CPNE4: variants seen among roughly 807,000 people sequenced by gnomAD.
CPNE4 encodes copine 4, also known as copine-4.
Under a neutral mutation model 67.9 loss-of-function variants are expected in CPNE4, and 25 were observed. The ratio of observed to expected loss-of-function variants is 0.37; its 90% CI spans 0.27 to 0.51. CPNE4 has a LOEUF of 0.51. CPNE4 is among the 20% of genes least tolerant of loss of function. The pLI is 0.93. For missense variants in CPNE4, 464 were observed against 690.8 expected (o/e 0.67, Z 3.68); for synonymous variants, 242 against 244.9 (o/e 0.99, Z 0.11).
intron 5 of CPNE4, among the ~76,000 whole-genome samples, chr3:131,695,873 C>T (rs2081144288): frequency 6.6e-6 from 1 of 152,214 alleles, no homozygotes; most frequent in African/African-American, 2.4e-5. Flanking sequence ...TTATATATCA[C>T]TTATCACATT....
intron 2 of CPNE4, among the ~76,000 whole-genome samples, chr3:131,839,875 T>C (rs1267778219): frequency 6.6e-6 from 1 of 152,204 alleles, no homozygotes; most frequent in Non-Finnish European, 1.5e-5. Context: ...AAGGAGGGGT[T>C]ACGTTATGCC....
At chr3:131,883,870 C>A (rs1461147) in intron 2 of CPNE4, among the ~76,000 whole-genome samples, 43,844 of 152,156 alleles carry the variant, frequency 0.29, 7,394 homozygotes, top group Non-Finnish European at 0.37. Context: ...AGGCTAAGCA[C>A]ATGCCCGTGT....
rs199766048 is a variant in CPNE4, at chr3:131,654,370, A to AT, written c.681+15304dup. On this transcript the variant is annotated intron_variant, in intron 7 of 15. Transcript: ENST00000429747. ...ACCCAGGTACTAAGCCTAGTACCAA[A>AT]TTTTTTTTTAATTTTTTTCTGCTCC... is the stretch of plus-strand genomic sequence containing the variant. Among the ~76,000 whole-genome samples the AT allele has an allele frequency of 5.9e-3, 900 of 151,594 alleles. 8 individuals carry two copies. The highest frequency in any genetic ancestry group is 0.021 in the African/African-American group (853 of 41,274).
chr3:131,640,858 A>C (rs1287479111), intron 7 of CPNE4, among the ~76,000 whole-genome samples: 1 of 152,148 alleles, frequency 6.6e-6, no homozygotes, highest in Non-Finnish European at 1.5e-5. Flanking sequence ...CCAGAAATAA[A>C]GCCAAATATT....
upstream of CPNE4, chr3:132,037,664 A>G (rs2074363046): frequency 1.3e-6 from 2 of 1,481,542 alleles, no homozygotes; most frequent in Non-Finnish European, 1.8e-6. Context: ...GGTGTTCCCA[A>G]GTTGCAAAGG....
At chr3:131,934,079 G>A (rs1023472174) in intron 1 of CPNE4, among the ~76,000 whole-genome samples, 3 of 152,162 alleles carry the variant, frequency 2.0e-5, no homozygotes, top group African/African-American at 7.2e-5. Context: ...TGAGAAGGGA[G>A]GCACTGCAAA....
intron 2 of CPNE4, among the ~76,000 whole-genome samples, chr3:131,737,141 T>TTTTTTTTTTTTTTTTTTTTTTTGG (rs1491475059): frequency 9.4e-6 from 1 of 106,028 alleles, no homozygotes; most frequent in Admixed American, 1.0e-4. Context: ...TTTTTTTTTT[T>TTTTTTTTTTTTTTTTTTTTTTTGG]GAGAGGGAGT....
At chr3:131,984,390 T>C (rs1352976026) in intron 1 of CPNE4, among the ~76,000 whole-genome samples, 1 of 152,216 alleles carries the variant, frequency 6.6e-6, no homozygotes, top group African/African-American at 2.4e-5. Context: ...GCAGTGCTTG[T>C]GCATACAGAA....
At chr3:131,682,308 G>T (rs2080779354) in intron 6 of CPNE4, among the ~76,000 whole-genome samples, 1 of 152,082 alleles carries the variant, frequency 6.6e-6, no homozygotes, top group African/African-American at 2.4e-5. Flanking sequence ...AAAGGGATTT[G>T]GGTGTCGTGG....
At chr3:131,966,569 T>C (rs1488658066) in intron 1 of CPNE4, among the ~76,000 whole-genome samples, 2 of 152,142 alleles carry the variant, frequency 1.3e-5, no homozygotes, top group Non-Finnish European at 2.9e-5. Flanking sequence ...AAATACAAAC[T>C]ATCATCAGAG....
At chr3:131,592,992 T>C (rs1938627827) in intron 7 of CPNE4, among the ~76,000 whole-genome samples, 1 of 152,242 alleles carries the variant, frequency 6.6e-6, no homozygotes, top group Non-Finnish European at 1.5e-5. Flanking sequence ...AAATGTGCTA[T>C]GCCAACTTAT....
chr3:131,916,347 GAAA>G (rs35520224), intron 1 of CPNE4, among the ~76,000 whole-genome samples: 6 of 117,776 alleles, frequency 5.1e-5, no homozygotes, highest in Admixed American at 1.7e-4. Context: ...TTTCCAGTTA[GAAA>G]AAAAAAAAAA....
At chr3:131,582,438 C>A (rs1937898974) in intron 8 of CPNE4, among the ~76,000 whole-genome samples, 1 of 152,142 alleles carries the variant, frequency 6.6e-6, no homozygotes. Flanking sequence ...TCCTGCCCAC[C>A]AACCTATGAA....
intron 1 of CPNE4, chr3:132,017,761 T>C (rs1478183603): frequency 6.6e-6 from 1 of 152,122 alleles, no homozygotes. Flanking sequence ...CCAACAGGAG[T>C]TATAGCGGGA....
chr3:131,905,421 T>A lies in CPNE4; in HGVS notation c.23A>T (p.Tyr8Phe), dbSNP rs2088707905. The part of the protein sequence containing the change: MKKMSNI[Y>F]ESAANTLGIF... ...TCCCAGTGTGTTGGCAGCGGACTCA[T>A]AAATGTTGCTCATCTTCTTCATTCT... Residue 8 changes from tyrosine to phenylalanine, a missense_variant, in exon 2 of 16, where the codon TAT (tyrosine) becomes TTT (phenylalanine). Physicochemically the swap from Tyr to Phe is conservative, Grantham distance 22 (BLOSUM62 3). This residue lies in a region of CPNE4 where 170 missense variants were observed against 203.3 expected (regional missense o/e 0.84). Coordinates refer to ENST00000429747, the MANE Select transcript of CPNE4 (RefSeq NM_130808.3). The A allele has an allele frequency of 6.2e-7, 1 of 1,613,060 alleles. No homozygotes were observed.
At chr3:131,713,028 G>A (rs182010483) in intron 3 of CPNE4, among the ~76,000 whole-genome samples, 4 of 152,298 alleles carry the variant, frequency 2.6e-5, no homozygotes, top group Middle Eastern at 3.4e-3. Flanking sequence ...CCCTGGATGA[G>A]TAGGTAGGCC....
intron 2 of CPNE4, among the ~76,000 whole-genome samples, chr3:131,867,539 G>C (rs62280912): frequency 9.9e-4 from 151 of 152,158 alleles, no homozygotes; most frequent in Admixed American, 2.0e-3. Flanking sequence ...GGGTCTCCTT[G>C]AGAGGTCAAT....
At position 131,587,556 on chromosome 3, in the gene CPNE4, A is replaced by G. The variant is rs376970735; in HGVS notation, c.708T>C (p.Asn236=). The G allele has an allele frequency of 2.8e-4, 444 of 1,613,470 alleles. 6 individuals are homozygous for G. The South Asian group carries it at 4.6e-3, about 17-fold the overall frequency. The change falls in exon 8 of 16, where the codon AAT becomes AAC. Residue 236 remains asparagine (N), a synonymous_variant. Coordinates refer to ENST00000429747, the MANE Select transcript of CPNE4 (RefSeq NM_130808.3). ...ATTCTCCAATGAAGTCATGCTTGCC[A>G]TTGGAGTCCCAGTCCCATACTATGC... ...LKCIVWDWDS[N]GKHDFIGEFT...
intron 2 of CPNE4, among the ~76,000 whole-genome samples, chr3:131,808,416 T>C (rs2084402297): frequency 6.6e-6 from 1 of 152,102 alleles, no homozygotes; most frequent in Non-Finnish European, 1.5e-5. Flanking sequence ...AATGGAAATC[T>C]TATAAATAAA....
Sources: allele counts gnomAD v4.1 joint callset (sites outside exome capture counted in the v4.1 genomes callset), GRCh38; gene constraint gnomAD v4.1.1; regional missense constraint gnomAD v4.1.1; transcripts MANE v1.5; gene names NCBI Gene and HGNC (gene_info 2026-07-23, HGNC 2026-07-21).